Variants in CREB5 observed in about 807,000 individuals in gnomAD.
CREB5 encodes the protein cAMP responsive element binding protein 5.
Under a neutral mutation model 57.1 loss-of-function variants are expected in CREB5, and 19 were observed. The observed-to-expected ratio is 0.33, with a 90% CI of 0.23 to 0.49. The LOEUF (loss-of-function observed/expected upper bound fraction) is 0.49. Among genes scored for constraint, CREB5 ranks in the 20% least tolerant of loss-of-function variants. CREB5 has a pLI of 0.99. For synonymous variants in CREB5, 238 were observed against 238.3 expected (o/e 1.00, Z 0.01); for missense variants, 579 against 671.6 (o/e 0.86, Z 1.52).
In CREB5 at chr7:28,581,513, C is replaced by T. The variant is rs139048730; in HGVS notation, c.464+10976C>T. Among the ~76,000 whole-genome samples the T allele has an allele frequency of 2.8e-4, 43 of 152,300 alleles. No homozygotes were observed. The East Asian group carries it at 4.8e-3, about 17-fold the overall frequency. ...TACCACAGTCACAGGCAGAGGCCTG[C>T]GGGTGCTTAAAGAGAATCACAAACG... On this transcript the variant is annotated intron_variant, in intron 5 of 10. Coordinates refer to ENST00000357727, the MANE Select transcript of CREB5 (RefSeq NM_182898.4).
chr7:28,671,024 G>A (rs1198317872), intron 5 of CREB5, among the ~76,000 whole-genome samples: 1 of 152,096 alleles, frequency 6.6e-6, no homozygotes, highest in African/African-American at 2.4e-5. Context: ...TGTGCTTTGG[G>A]AGGCTGAGGC....
At chr7:28,730,301 C>T (rs1803544742) in intron 7 of CREB5, among the ~76,000 whole-genome samples, 1 of 152,012 alleles carries the variant, frequency 6.6e-6, no homozygotes, top group Non-Finnish European at 1.5e-5. Context: ...CTCCCACGTA[C>T]TAGGTGGTGC....
At chr7:28,560,841 TGTGCGC>T (rs1795097533) in intron 4 of CREB5, among the ~76,000 whole-genome samples, 5 of 75,054 alleles carry the variant, frequency 6.7e-5, no homozygotes, top group Admixed American at 3.6e-4. Flanking sequence ...CGCGTGTGTG[TGTGCGC>T]GTGTGTGTGT....
chr7:28,385,020 T>C (rs1787058366), intron 1 of CREB5, among the ~76,000 whole-genome samples: 1 of 152,210 alleles, frequency 6.6e-6, no homozygotes, highest in African/African-American at 2.4e-5. Context: ...ATCCAAGTAT[T>C]AACATTAGTT....
intron 5 of CREB5, among the ~76,000 whole-genome samples, chr7:28,667,957 G>T (rs1030118478): frequency 6.6e-6 from 1 of 152,098 alleles, no homozygotes; most frequent in African/African-American, 2.4e-5. Context: ...ACAATTTAAA[G>T]GTTTAAAAAA....
intron 1 of CREB5, among the ~76,000 whole-genome samples, chr7:28,340,336 C>G (rs1156966445): frequency 3.7e-4 from 54 of 144,722 alleles, no homozygotes; most frequent in South Asian, 8.7e-4. Context: ...TAGGACCCAA[C>G]AACTCTTTAG....
chr7:28,790,240 T>C (rs1432788388), intron 7 of CREB5, among the ~76,000 whole-genome samples: 2 of 152,196 alleles, frequency 1.3e-5, no homozygotes, highest in African/African-American at 4.8e-5. Context: ...ATTTAAAAAA[T>C]AGTCCTACTC....
In CREB5 at chr7:28,560,999, CGTGTGCGT is replaced by C. The variant is rs1345490706; in HGVS notation, c.292-9360_292-9353del. Among the ~76,000 whole-genome samples the C allele has an allele frequency of 5.9e-5, 2 of 34,184 alleles. 1 individual carries two copies. The highest frequency in any genetic ancestry group is 1.2e-4 in the Non-Finnish European group (2 of 16,708). The allele number at this position is 34,184 out of a possible 152,430, so 22.4% of individuals were successfully genotyped here. ...GTGTGTGCGTGCGTGTGTGTGCCTGCGTGTGCGTGTGTGTGTGCGTGTGTGCGTGTGTG... is the reference window on the plus strand; with the variant it reads ...GTGTGTGCGTGCGTGTGTGTGCCTGCGTGTGTGTGCGTGTGTGCGTGTGTG... On this transcript the variant is annotated intron_variant, in intron 4 of 10. Transcript: ENST00000357727.
intron 1 of CREB5, among the ~76,000 whole-genome samples, chr7:28,464,775 G>A (rs969446854): frequency 2.0e-5 from 3 of 151,650 alleles, no homozygotes; most frequent in African/African-American, 4.8e-5. Flanking sequence ...GAATGACGCA[G>A]TTATGCAGTT....
Position 28,346,797 on chromosome 7 carries a change from T to C in CREB5, c.-25+47356T>C, listed in dbSNP as rs562843988. 2.0e-3 allele frequency among the ~76,000 whole-genome samples: 300 copies of C among 152,206 alleles called. 2 individuals carry two copies. The highest frequency in any genetic ancestry group is 7.1e-3 in the African/African-American group (294 of 41,538). On this transcript the variant is annotated intron_variant, in intron 1 of 9. Coordinates refer to the CREB5 transcript ENST00000396299. ...GCTGGGAGAATACGTCCATCCTTCC[T>C]GTAAAGGGATCTGGGGACTGCATCA...
chr7:28,705,364 C>CAA lies in CREB5; in HGVS notation c.465-13373_465-13372dup, dbSNP rs10686098. On this transcript the variant is annotated intron_variant, in intron 5 of 10. Transcript: ENST00000357727. ...TGGGTGACAGAGTGAGACTCTGACT[C>CAA]AAAAAAAAAAAAAAAAAGAAAGAAA... Among the ~76,000 whole-genome samples, 646 of 92,898 alleles carry CAA rather than the reference C, an allele frequency of 7.0e-3. 5 individuals carry two copies. The highest frequency in any genetic ancestry group is 0.023 in the Middle Eastern group (4 of 176). The allele number at this position is 92,898 out of a possible 152,430, so 60.9% of individuals were successfully genotyped here.
chr7:28,766,975 T>G lies in CREB5; in HGVS notation c.703-37224T>G, dbSNP rs1038548701. The stretch of plus-strand genomic sequence containing the variant: ...TCTGCACTCCAGTTCAAACACAGAA[T>G]TGGACGCTAAACATTATTTCTATAC... On this transcript the variant is annotated intron_variant, in intron 7 of 10. Coordinates refer to ENST00000357727, the MANE Select transcript of CREB5 (RefSeq NM_182898.4). Among the ~76,000 whole-genome samples the G allele has an allele frequency of 2.6e-5, 4 of 152,346 alleles. No individual in the cohort carries two copies. The East Asian group carries it at 7.7e-4, about 29-fold the overall frequency.
intron 1 of CREB5, among the ~76,000 whole-genome samples, chr7:28,367,034 A>G (rs1188000670): frequency 6.6e-6 from 1 of 152,184 alleles, no homozygotes; most frequent in Non-Finnish European, 1.5e-5. Context: ...ATCTGTGCAT[A>G]TATTCCCCTT....
intron 5 of CREB5, chr7:28,686,237 AG>A (rs925648803): frequency 6.4e-7 from 1 of 1,560,846 alleles, no homozygotes; most frequent in Non-Finnish European, 8.8e-7. Flanking sequence ...CTGATTTTAT[AG>A]ATTTTTTTTG....
At chr7:28,299,722 T>C (rs1319509147) in intron 1 of CREB5, among the ~76,000 whole-genome samples, 1 of 152,254 alleles carries the variant, frequency 6.6e-6, no homozygotes, top group Admixed American at 6.5e-5. Flanking sequence ...TTCACTAGCA[T>C]TGATTGTGCA....
At chr7:28,473,664 A>C (rs1003857641) in intron 1 of CREB5, among the ~76,000 whole-genome samples, 1 of 152,226 alleles carries the variant, frequency 6.6e-6, no homozygotes, top group Non-Finnish European at 1.5e-5. Flanking sequence ...AGATGCCTTA[A>C]GAACGCTGAC....
Position 28,417,648 on chromosome 7 carries a change from T to C in CREB5, c.3+4731T>C, listed in dbSNP as rs1207706053. 5.3e-5 allele frequency among the ~76,000 whole-genome samples: 8 copies of C among 152,214 alleles called. No individual in the cohort carries two copies. In the East Asian group the frequency reaches 1.5e-3, roughly 29 times the overall value. ...TTAAAAGCTCCACAAGTGTTTCCAA[T>C]GTGTAGCAGAGGTTGAGAACCACGG... On this transcript the variant is annotated intron_variant, in intron 1 of 10. Coordinates refer to ENST00000357727, the MANE Select transcript of CREB5 (RefSeq NM_182898.4).
rs532841566 is a variant in CREB5, at chr7:28,605,698, C to A, written c.464+35161C>A. Among the ~76,000 whole-genome samples, 6 of 152,258 alleles carry A rather than the reference C, an allele frequency of 3.9e-5. No individual in the cohort carries two copies. The South Asian group carries it at 1.2e-3, about 32-fold the overall frequency. ...TCAGAGTTGAAGTTGATTTCCTGCC[C>A]ATGAGACAAAGAAGTGAGGGGCACA... On this transcript the variant is annotated intron_variant, in intron 5 of 10. Coordinates refer to ENST00000357727, the MANE Select transcript of CREB5 (RefSeq NM_182898.4).
At chr7:28,724,470 C>T in intron 7 of CREB5, 138 bp downstream of exon 7, 1 of 672,892 alleles carries the variant, frequency 1.5e-6, no homozygotes, top group South Asian at 1.8e-5. Flanking sequence ...GCAGAGACTG[C>T]CTCTCTTTTT....
Sources: gnomAD v4.1 joint callset for allele counts (sites outside exome capture counted in the v4.1 genomes callset) on GRCh38, gnomAD v4.1.1 for gene constraint, MANE v1.5 for transcripts, NCBI Gene and HGNC (gene_info 2026-07-23, HGNC 2026-07-21) for gene names.